ZNF428: variants seen among roughly 807,000 people sequenced by gnomAD.
ZNF428 encodes the protein enzyme-like protein PIT13.
In ZNF428, 5 loss-of-function variants were observed where a neutral mutation model predicts 15.6. The observed-to-expected ratio is 0.32, with a 90% CI of 0.17 to 0.67. The LOEUF is 0.67. Among genes scored for constraint, ZNF428 ranks in the 30% least tolerant of loss-of-function variants. ZNF428 has a pLI of 0.73. For missense variants in ZNF428, 237 were observed against 256.0 expected (o/e 0.93, Z 0.51); for synonymous variants, 97 against 102.2 (o/e 0.95, Z 0.31).
At chr19:43,615,901 C>A (rs1401056908) in intron 1 of ZNF428, among the ~76,000 whole-genome samples, 1 of 152,184 alleles carries the variant, frequency 6.6e-6, no homozygotes, top group Non-Finnish European at 1.5e-5. Flanking sequence ...CGGAAGCTCT[C>A]CAAACCCAGT....
In ZNF428 at chr19:43,613,712, A is replaced by T. The variant is rs184622544; in HGVS notation, c.76+517T>A. 7.2e-5 allele frequency: 112 copies of T among 1,551,554 alleles called. 2 individuals carry two copies. In the Middle Eastern group the frequency reaches 1.7e-3, roughly 23 times the overall value. On this transcript the variant is annotated intron_variant, in intron 2 of 2. Transcript: ENST00000300811. ...ACGATCTAGAAGCCCCAGCAAGGAG[A>T]GACAGCGCAGACAATCTAGAAGCCC...
chr19:43,615,959 A>G (rs750971799), intron 1 of ZNF428, among the ~76,000 whole-genome samples: 1 of 152,114 alleles, frequency 6.6e-6, no homozygotes, highest in Non-Finnish European at 1.5e-5. Context: ...TTGGGCATGG[A>G]CTTCTCTGAA....
At chr19:43,608,677 C>G (rs1973265098) in intron 2 of ZNF428, 1 of 152,160 alleles carries the variant, frequency 6.6e-6, no homozygotes, top group African/African-American at 2.4e-5. Flanking sequence ...CTCCTGTAAT[C>G]CTAGCACTTT....
Position 43,612,026 on chromosome 19 carries a change from G to T in ZNF428, c.76+2203C>A. ...TCAATGCCCACTATTACTTCACACA[G>T]TTGGCCTGTGACAGGCAATCAGGTC... is the stretch of plus-strand genomic sequence containing the variant. On this transcript the variant is annotated intron_variant, in intron 2 of 2. Transcript: ENST00000300811. This position sits in a 1 kb window ranked among gnomAD's most constrained non-coding sequence, Gnocchi z 4.2. 4 of 917,466 alleles carry T rather than the reference G, an allele frequency of 4.4e-6. No homozygotes were observed. The highest frequency in any genetic ancestry group is 6.8e-6 in the Non-Finnish European group (4 of 588,662). The allele number at this position is 917,466 out of a possible 1,614,324, so 56.8% of individuals were successfully genotyped here.
intron 2 of ZNF428, among the ~76,000 whole-genome samples, chr19:43,610,457 C>T (rs1332139551): frequency 6.6e-6 from 1 of 151,978 alleles, no homozygotes. Context: ...ATCTCAGCCT[C>T]CCAAAGTGCT....
At chr19:43,610,981 T>C (rs1250569213) in intron 2 of ZNF428, among the ~76,000 whole-genome samples, 1 of 152,140 alleles carries the variant, frequency 6.6e-6, no homozygotes, top group Non-Finnish European at 1.5e-5. Context: ...GTATGGGCTG[T>C]TCCCCACTCT....
Position 43,612,341 on chromosome 19 carries a change from C to T in ZNF428, c.76+1888G>A. The T allele has an allele frequency of 6.4e-7, 1 of 1,551,662 alleles. No homozygotes were observed. The highest frequency in any genetic ancestry group is 8.7e-7 in the Non-Finnish European group (1 of 1,146,996). On this transcript the variant is annotated intron_variant, in intron 2 of 2. Coordinates refer to ENST00000300811, the MANE Select transcript of ZNF428 (RefSeq NM_182498.4). The surrounding 1 kb of genome is among the most constrained non-coding windows in gnomAD (Gnocchi z 4.2). ...CAAATCGACCAGTACAAAAAGAGCCCCTTCTAACCGGCCCAGCAGCAGGTC... is the reference window on the plus strand; with the variant it reads ...CAAATCGACCAGTACAAAAAGAGCCTCTTCTAACCGGCCCAGCAGCAGGTC...
intron 2 of ZNF428, among the ~76,000 whole-genome samples, chr19:43,611,526 G>A (rs914475248): frequency 2.0e-5 from 3 of 152,054 alleles, no homozygotes; most frequent in Non-Finnish European, 4.4e-5. Flanking sequence ...CACCTTGTTG[G>A]TTAGGCTGGT....
chr19:43,612,131 C>T lies in ZNF428; in HGVS notation c.76+2098G>A. The T allele has an allele frequency of 1.3e-6, 2 of 1,551,516 alleles. No homozygotes were observed. The highest frequency in any genetic ancestry group is 1.2e-5 in the South Asian group (1 of 84,060). ...CCCTTTTGCGCCCACCATGTCTTCA[C>T]CTAAGAGATCTTCAAAGCCCAGTAT... is the stretch of plus-strand genomic sequence containing the variant. On this transcript the variant is annotated intron_variant, in intron 2 of 2. Transcript: ENST00000300811. This position sits in a 1 kb window ranked among gnomAD's most constrained non-coding sequence, Gnocchi z 4.2.
rs753741306 is a variant in ZNF428, at chr19:43,613,791, A to G, written c.76+438T>C. 1.9e-6 allele frequency: 3 copies of G among 1,549,636 alleles called. No homozygotes were observed. In the South Asian group the frequency reaches 3.6e-5, roughly 18 times the overall value. On this transcript the variant is annotated intron_variant, in intron 2 of 2. Transcript: ENST00000300811. Reference sequence around the variant, plus strand: ...AGAAGCCCCAGCGAGGAGAGAGAGCACAGACAATCCAGAAGCCCCAGCAAA... The same window carrying G: ...AGAAGCCCCAGCGAGGAGAGAGAGCGCAGACAATCCAGAAGCCCCAGCAAA...
At chr19:43,613,416 A>C (rs1229666612) in intron 2 of ZNF428, 1 of 1,526,996 alleles carries the variant, frequency 6.5e-7, no homozygotes, top group South Asian at 1.2e-5. Context: ...AGAAGTCCCA[A>C]CAAGGCGAGA....
At chr19:43,619,318 G>A (rs1014224846) in intron 1 of ZNF428, among the ~76,000 whole-genome samples, 4 of 152,232 alleles carry the variant, frequency 2.6e-5, no homozygotes, top group Admixed American at 6.5e-5. Flanking sequence ...CTCTTTCCCA[G>A]GATGCACCAG....
rs763584479 is a variant in ZNF428, at chr19:43,607,891, C to T, written c.293G>A (p.Arg98His). 11 of 1,559,884 alleles carry T rather than the reference C, an allele frequency of 7.1e-6. No individual in the cohort carries two copies. Among genetic ancestry groups the T allele is most frequent in the South Asian group, 4.7e-5 (4 of 85,742 alleles). Residue 98 changes from arginine (R) to histidine (H), a missense_variant, in exon 3 of 3, where the codon CGC (arginine) becomes CAC (histidine). Physicochemically the swap from Arg to His is conservative, Grantham distance 29 (BLOSUM62 0). Coordinates refer to ENST00000300811, the MANE Select transcript of ZNF428 (RefSeq NM_182498.4). This position sits in a 1 kb window ranked among gnomAD's most constrained non-coding sequence, Gnocchi z 5.1. ...PPAQPCQLCG[R>H]SPLGEAPPGT... ...CGGTGGGGCCTCCCCAAGGGGTGAG[C>T]GGCCACAGAGCTGGCAAGGCTGGGC...
At chr19:43,618,216 G>C (rs895807277) in intron 1 of ZNF428, among the ~76,000 whole-genome samples, 4 of 151,786 alleles carry the variant, frequency 2.6e-5, no homozygotes, top group African/African-American at 7.3e-5. Context: ...TGTATTTTTA[G>C]TAGAGATGGG....
At chr19:43,610,260 C>T (rs528907799) in intron 2 of ZNF428, among the ~76,000 whole-genome samples, 1 of 151,954 alleles carries the variant, frequency 6.6e-6, no homozygotes, top group Admixed American at 6.6e-5. Context: ...AGTGCAGTGG[C>T]GTGATCTCAG....
Position 43,612,157 on chromosome 19 carries a change from G to A in ZNF428, c.76+2072C>T, listed in dbSNP as rs1249019844. On this transcript the variant is annotated intron_variant, in intron 2 of 2. Coordinates refer to ENST00000300811, the MANE Select transcript of ZNF428 (RefSeq NM_182498.4). This position sits in a 1 kb window ranked among gnomAD's most constrained non-coding sequence, Gnocchi z 4.2. The stretch of plus-strand genomic sequence containing the variant: ...CTAAGAGATCTTCAAAGCCCAGTAT[G>A]TCTCTGGCACCCAGTGGATCCTCCA... 34 of 1,551,580 alleles carry A rather than the reference G, an allele frequency of 2.2e-5. No individual in the cohort carries two copies. The highest frequency in any genetic ancestry group is 2.7e-5 in the African/African-American group (2 of 73,036).
At chr19:43,608,156 C>T in intron 2 of ZNF428, 49 bp from the exon 3 acceptor site, 2 of 1,563,672 alleles carry the variant, frequency 1.3e-6, no homozygotes. Context: ...GGAAAGAGGG[C>T]TAGGCCAAGC....
Position 43,612,107 on chromosome 19 carries a change from C to A in ZNF428, c.76+2122G>T. 6.5e-7 allele frequency: 1 copy of A among 1,542,138 alleles called. No homozygotes were observed. The highest frequency in any genetic ancestry group is 1.4e-5 in the African/African-American group (1 of 72,896). ...TACTGTGACTTCCAGGACCACAAGC[C>A]CTTTTGCGCCCACCATGTCTTCACC... On this transcript the variant is annotated intron_variant, in intron 2 of 2. Transcript: ENST00000300811. The surrounding 1 kb of genome is among the most constrained non-coding windows in gnomAD (Gnocchi z 4.2).
rs567729320 is a variant in ZNF428 at position 43,614,168 on chromosome 19, G to A, written c.76+61C>T. On this transcript the variant is annotated intron_variant, in intron 2 of 2. Coordinates refer to ENST00000300811, the MANE Select transcript of ZNF428 (RefSeq NM_182498.4). Reference sequence around the variant, plus strand: ...CTCCCCATCAACATTTCCCAGTGGGGGCCAAACCCTAAGCCAGGATGACAG... The same window carrying A: ...CTCCCCATCAACATTTCCCAGTGGGAGCCAAACCCTAAGCCAGGATGACAG... 30 of 1,614,064 alleles carry A rather than the reference G, an allele frequency of 1.9e-5. No individual in the cohort carries two copies. The Admixed American group carries it at 2.3e-4, about 13-fold the overall frequency.
Sources: gnomAD v4.1 joint callset for allele counts (sites outside exome capture counted in the v4.1 genomes callset) on GRCh38, gnomAD v4.1.1 for gene constraint, Gnocchi (gnomAD v3.1) non-coding constraint, MANE v1.5 for transcripts, NCBI Gene and HGNC (gene_info 2026-07-23, HGNC 2026-07-21) for gene names.